The following SCN3A variants were observed in gnomAD, a reference collection of about 807,000 sequenced individuals.
The protein encoded by SCN3A is sodium voltage-gated channel alpha subunit 3.
Under a neutral mutation model 187.6 loss-of-function variants are expected in SCN3A, and 60 were observed. The ratio of observed to expected loss-of-function variants is 0.32; its 90% CI spans 0.26 to 0.40. SCN3A has a LOEUF of 0.40. Ranked by LOEUF, SCN3A falls within the 10% of genes least tolerant of loss-of-function variation. The pLI is 1.00. For synonymous variants in SCN3A, 788 were observed against 829.2 expected, an observed-to-expected ratio of 0.95 and a Z score of 0.85; for missense variants, 1,601 against 2,428.2, an observed-to-expected ratio of 0.66 and a Z score of 7.16.
In SCN3A at chr2:165,129,921, A is replaced by T. The variant is rs750444775; in HGVS notation, c.2922+19T>A. On this transcript the variant is annotated intron_variant, in intron 17 of 27. Transcript: ENST00000283254. ...TCTGCTCTTGTTCTAATTTATGAGC[A>T]TTTGTACTACATACATACCACAAGG... 7 of 1,613,482 alleles carry T rather than the reference A, an allele frequency of 4.3e-6. No individual in the cohort carries two copies. Among genetic ancestry groups the T allele is most frequent in the Admixed American group, 1.7e-5 (1 of 60,010 alleles).
At position 165,113,805 on chromosome 2, in the gene SCN3A, A is replaced by C. The variant is rs1357470379; in HGVS notation, c.3669+11T>G. 1 of 1,613,306 alleles carries C rather than the reference A, an allele frequency of 6.2e-7. No individual in the cohort carries two copies. On this transcript the variant is annotated intron_variant, in intron 20 of 27. Coordinates refer to ENST00000283254, the MANE Select transcript of SCN3A (RefSeq NM_006922.4). The stretch of plus-strand genomic sequence containing the variant: ...CAGAATCTGATTCTTGCCAATATGC[A>C]TTTCACTTACCAATGCACCACTACT...
At chr2:165,137,666 A>C (rs568793526) in intron 15 of SCN3A, among the ~76,000 whole-genome samples, 17 of 152,292 alleles carry the variant, frequency 1.1e-4, no homozygotes, top group African/African-American at 3.1e-4. Flanking sequence ...ACCATGATCA[A>C]TCAGCACAGA....
chr2:165,106,628 C>T (rs1156290293), intron 21 of SCN3A, among the ~76,000 whole-genome samples: 1 of 152,156 alleles, frequency 6.6e-6, no homozygotes, highest in African/African-American at 2.4e-5. Flanking sequence ...ACAGTAGATG[C>T]TGCATAAGTT....
intron 21 of SCN3A, 70 bp downstream of exon 21, chr2:165,112,815 C>T (rs1052368565): frequency 2.4e-5 from 33 of 1,354,900 alleles, no homozygotes; most frequent in Middle Eastern, 2.0e-4. Context: ...GTTTTAATAA[C>T]AGAAACATAT....
intron 1 of SCN3A, among the ~76,000 whole-genome samples, chr2:165,198,161 A>G (rs1004636403): frequency 2.6e-5 from 4 of 152,016 alleles, no homozygotes; most frequent in East Asian, 1.9e-4. Flanking sequence ...AGATATCACT[A>G]GCAACAGAAA....
Position 165,113,951 on chromosome 2 carries a change from T to C in SCN3A, c.3534A>G (p.Pro1178=), listed in dbSNP as rs534513013. 1.9e-6 allele frequency: 3 copies of C among 1,605,046 alleles called. No individual in the cohort carries two copies. Among genetic ancestry groups the C allele is most frequent in the Admixed American group, 1.7e-5 (1 of 59,886 alleles). The change falls in exon 20 of 28, where the codon CCA becomes CCG. Residue 1178 remains proline, a synonymous_variant. Transcript: ENST00000283254. The stretch of plus-strand genomic sequence containing the variant: ...CTTCTTCTGTACTTACTTGACAGAA[T>C]GGAAACTTTTTAATACATCCTAAAA... ...CFTEGCIKKF[P]FCQVSTEEGK... is the part of the protein sequence containing the mutation.
Position 165,095,596 on chromosome 2 carries a change from A to G in SCN3A, c.4346T>C (p.Val1449Ala). ...GAATGACCCAAAGATGATAAAGATG[A>G]CAAAGTATAAATACATGTACAGATT... Reference protein sequence around the residue: ...EENLYMYLYFVIFIIFGSFFT... With the variant: ...EENLYMYLYFAIFIIFGSFFT... Residue 1449 changes from valine (V) to alanine (A), a missense_variant, in exon 25 of 28, where the codon GTC becomes GCC. Val to Ala is a moderately conservative substitution (Grantham distance 64). This residue lies in a region of SCN3A where 320 missense variants were observed against 623.2 expected (regional missense o/e 0.51). Coordinates refer to ENST00000283254, the MANE Select transcript of SCN3A (RefSeq NM_006922.4). The G allele has an allele frequency of 6.4e-7, 1 of 1,560,888 alleles. No individual in the cohort carries two copies. The highest frequency in any genetic ancestry group is 8.8e-7 in the Non-Finnish European group (1 of 1,131,882).
intron 17 of SCN3A, among the ~76,000 whole-genome samples, chr2:165,129,223 GA>G (rs900236331): frequency 2.6e-5 from 4 of 152,188 alleles, no homozygotes; most frequent in African/African-American, 9.6e-5. Context: ...GCATGACTGA[GA>G]AATTTAAGCA....
Position 165,139,470 on chromosome 2 carries a change from T to C in SCN3A, c.2152+6A>G. 1 of 1,613,860 alleles carries C rather than the reference T, an allele frequency of 6.2e-7. No individual in the cohort carries two copies. Among genetic ancestry groups the C allele is most frequent in the Non-Finnish European group, 8.5e-7 (1 of 1,179,836 alleles). On this transcript the variant is annotated splice_donor_region_variant and intron_variant, in intron 14 of 27. Coordinates refer to ENST00000283254, the MANE Select transcript of SCN3A (RefSeq NM_006922.4). Reference sequence around the variant, plus strand: ...AAAGTTGGCTGTTCCATGACCTGCTTCTTACCTTCCATTGTGTTGGTCAGA... The same window carrying C: ...AAAGTTGGCTGTTCCATGACCTGCTCCTTACCTTCCATTGTGTTGGTCAGA...
At chr2:165,150,492 T>G (rs1688627607) in intron 11 of SCN3A, among the ~76,000 whole-genome samples, 1 of 152,206 alleles carries the variant, frequency 6.6e-6, no homozygotes, top group South Asian at 2.1e-4. Flanking sequence ...ACTGTGCTAC[T>G]CCAATCAGTA....
intron 9 of SCN3A, among the ~76,000 whole-genome samples, chr2:165,161,137 CTTTTTTTTTT>C (rs61608647): frequency 4.3e-5 from 4 of 93,368 alleles, no homozygotes; most frequent in South Asian, 4.2e-4. Context: ...TTCTTTCTTT[CTTTTTTTTTT>C]TTTTTTTTTT....
Position 165,127,998 on chromosome 2 carries a change from C to T in SCN3A, c.3026G>A (p.Gly1009Glu), listed in dbSNP as rs1323978263. ...NEMNNLQIAV[G>E]RMQKGIDYVK... Reference sequence around the variant, plus strand: ...ATAATCAATTCCCTTTTGCATTCTTCCTACTGCAATCTGCAGATTATTCAT... The same window carrying T: ...ATAATCAATTCCCTTTTGCATTCTTTCTACTGCAATCTGCAGATTATTCAT... The change falls in exon 18 of 28, where the codon GGA becomes GAA. Residue 1009 changes from glycine to glutamate, a missense_variant. Coordinates refer to ENST00000283254, the MANE Select transcript of SCN3A (RefSeq NM_006922.4). The T allele has an allele frequency of 6.2e-7, 1 of 1,613,994 alleles. No individual in the cohort carries two copies. Among genetic ancestry groups the T allele is most frequent in the Non-Finnish European group, 8.5e-7 (1 of 1,179,974 alleles).
intron 15 of SCN3A, among the ~76,000 whole-genome samples, chr2:165,133,234 G>A (rs1260568427): frequency 1.3e-5 from 2 of 152,186 alleles, no homozygotes; most frequent in Admixed American, 1.3e-4. Flanking sequence ...CGATTCCTCA[G>A]GGATCTAGAA....
At chr2:165,190,239 T>C (rs1308901029) in intron 1 of SCN3A, among the ~76,000 whole-genome samples, 1 of 152,206 alleles carries the variant, frequency 6.6e-6, no homozygotes, top group Non-Finnish European at 1.5e-5. Flanking sequence ...CATTCAGTTC[T>C]TGGGGAGCTC....
intron 26 of SCN3A, 189 bp downstream of exon 26, chr2:165,094,185 C>T: frequency 1.6e-6 from 1 of 634,868 alleles, no homozygotes; most frequent in Non-Finnish European, 2.8e-6. Context: ...AAGAACATTA[C>T]CTCCTTTTTT....
intron 21 of SCN3A, among the ~76,000 whole-genome samples, chr2:165,102,397 C>T (rs1025475723): frequency 3.4e-4 from 51 of 152,054 alleles, no homozygotes; most frequent in African/African-American, 1.2e-3. Flanking sequence ...GCACTTGTAG[C>T]CTTAGCTATT....
At chr2:165,122,230 C>CTTTTTTTTTTTTTTTTTTTTTT (rs776949572) in intron 18 of SCN3A, among the ~76,000 whole-genome samples, 2 of 113,918 alleles carry the variant, frequency 1.8e-5, no homozygotes, top group Admixed American at 9.7e-5. Context: ...TTCTTTCTTT[C>CTTTTTTTTTTTTTTTTTTTTTT]TTTTTTTTCT....
chr2:165,115,798 A>G (rs948230780), intron 18 of SCN3A, among the ~76,000 whole-genome samples: 1 of 152,160 alleles, frequency 6.6e-6, no homozygotes, highest in African/African-American at 2.4e-5. Flanking sequence ...GACAACATTC[A>G]ATGTGGGTGG....
chr2:165,190,415 C>A (rs1172302640), intron 1 of SCN3A, among the ~76,000 whole-genome samples: 1 of 151,506 alleles, frequency 6.6e-6, no homozygotes, highest in Non-Finnish European at 1.5e-5. Context: ...AGAGTAAATT[C>A]ATTAGCCTAC....
Sources: allele counts gnomAD v4.1 joint callset (sites outside exome capture counted in the v4.1 genomes callset), GRCh38; gene constraint gnomAD v4.1.1; regional missense constraint gnomAD v4.1.1; transcripts MANE v1.5; gene names NCBI Gene and HGNC (gene_info 2026-07-23, HGNC 2026-07-21).